The following KCNN1 variants were observed in gnomAD, a reference collection of about 807,000 sequenced individuals.
KCNN1 encodes the protein potassium calcium-activated channel subfamily N member 1.
KCNN1 carries 20 observed loss-of-function variants against 44.7 expected under a neutral mutation model. The observed-to-expected ratio is 0.45, with a 90% CI of 0.32 to 0.65. The LOEUF (loss-of-function observed/expected upper bound fraction) is 0.65. Among genes scored for constraint, KCNN1 ranks in the 30% least tolerant of loss-of-function variants. The probability of loss-of-function intolerance (pLI) is 0.05; values close to 1 mark genes in which losing one functional copy is unlikely to be tolerated. For missense variants in KCNN1, 632 were observed against 785.3 expected (o/e 0.80, Z 2.33); for synonymous variants, 324 against 341.7 (o/e 0.95, Z 0.57).
intron 2 of KCNN1, among the ~76,000 whole-genome samples, chr19:17,960,472 A>T (rs565516849): frequency 6.6e-6 from 1 of 152,036 alleles, no homozygotes; most frequent in South Asian, 2.1e-4. Flanking sequence ...TTTACTAAAG[A>T]TACAAAAATT....
At chr19:17,984,873 T>A (rs117058455) in intron 4 of KCNN1, among the ~76,000 whole-genome samples, 1 of 152,014 alleles carries the variant, frequency 6.6e-6, no homozygotes, top group Non-Finnish European at 1.5e-5. Context: ...CCTTCTTCAC[T>A]CGAGCCCCAG....
chr19:17,991,303 T>G (rs1490975546), intron 7 of KCNN1, among the ~76,000 whole-genome samples: 1 of 151,950 alleles, frequency 6.6e-6, no homozygotes, highest in Non-Finnish European at 1.5e-5. Context: ...ATAAAAAAAT[T>G]AGCCCAGTGT....
chr19:17,986,450 CTGAG>C (rs1219382421), intron 5 of KCNN1, among the ~76,000 whole-genome samples: 8 of 152,046 alleles, frequency 5.3e-5, no homozygotes, highest in African/African-American at 1.7e-4. Context: ...GGGGTGTTCC[CTGAG>C]TTTTTCGTGA....
At position 17,998,387 on chromosome 19, in the gene KCNN1, C is replaced by A. The variant is rs745569760; in HGVS notation, c.1613C>A (p.Ala538Asp). Residue 538 changes from alanine (A) to aspartate (D), a missense_variant, in exon 10 of 10, where the codon GCC becomes GAC. Physicochemically the swap from Ala to Asp is moderately radical, Grantham distance 126. Around this residue, in one of 3 missense-constraint regions of KCNN1, gnomAD observed 237 missense variants for 253.0 expected, o/e 0.94. Transcript: ENST00000684775. The surrounding 1 kb of genome is among the most constrained non-coding windows in gnomAD (Gnocchi z 5.4). ...RSSPCRWTPVAPSDCG is the reference protein window; with the variant it reads ...RSSPCRWTPVDPSDCG ...TCCCCCTGCCGGTGGACGCCCGTGG[C>A]CCCCTCGGACTGCGGGTGACGGCCC... 6.7e-7 allele frequency: 1 copy of A among 1,483,592 alleles called. No individual in the cohort carries two copies. The highest frequency in any genetic ancestry group is 8.9e-7 in the Non-Finnish European group (1 of 1,123,556). The allele number at this position is 1,483,592 out of a possible 1,614,324, so 91.9% of individuals were successfully genotyped here. A position where few individuals can be genotyped will look rare whatever the true frequency, so the allele number is the denominator to read the frequency against.
chr19:17,974,615 C>G lies in KCNN1; in HGVS notation c.402+325C>G, dbSNP rs1283761841. Among the ~76,000 whole-genome samples, 2 of 152,214 alleles carry G rather than the reference C, an allele frequency of 1.3e-5. No individual in the cohort carries two copies. The highest frequency in any genetic ancestry group is 4.8e-5 in the African/African-American group (2 of 41,454). On this transcript the variant is annotated intron_variant, in intron 2 of 9. Transcript: ENST00000684775. This position sits in a 1 kb window ranked among gnomAD's most constrained non-coding sequence, Gnocchi z 7.3. ...GGGAGCAACAGAAGATCTTCCTCCC[C>G]TTCCGAGAGTGAGTGCGTCCAGGTT... is the stretch of plus-strand genomic sequence containing the variant.
Position 17,973,952 on chromosome 19 carries a change from G to A in KCNN1, c.64G>A (p.Gly22Arg), listed in dbSNP as rs773354965. Reference sequence around the variant, plus strand: ...GCTGGGCAGCGGGCCGGGCGCCCTGGGACGAGACCCTCCGGACCCTGAGGC... The same window carrying A: ...GCTGGGCAGCGGGCCGGGCGCCCTGAGACGAGACCCTCCGGACCCTGAGGC... ...RPLGSGPGAL[G>R]RDPPDPEAGH... Residue 22 changes from glycine (G) to arginine (R), a missense_variant, in exon 2 of 10, where the codon GGA becomes AGA. Physicochemically the swap from Gly to Arg is moderately radical, Grantham distance 125. Transcript: ENST00000684775. 14 of 1,560,650 alleles carry A rather than the reference G, an allele frequency of 9.0e-6. No homozygotes were observed. Among genetic ancestry groups the A allele is most frequent in the Non-Finnish European group, 1.0e-5 (12 of 1,154,708 alleles).
chr19:17,980,638 C>T lies in KCNN1; in HGVS notation c.499-1071C>T, dbSNP rs79832511. The stretch of plus-strand genomic sequence containing the variant: ...AAAATTTGAAGCTGGTGCGGTTGCT[C>T]ACACCTGTGATTCCAGCACTCTGGG... On this transcript the variant is annotated intron_variant, in intron 3 of 9. Transcript: ENST00000684775. Among the ~76,000 whole-genome samples the T allele has an allele frequency of 9.8e-3, 1,498 of 152,198 alleles. 18 individuals are homozygous for T. The highest frequency in any genetic ancestry group is 0.025 in the South Asian group (119 of 4,818).
upstream of KCNN1, among the ~76,000 whole-genome samples, chr19:17,962,711 T>C (rs1467755139): frequency 2.0e-5 from 3 of 151,900 alleles, no homozygotes; most frequent in Non-Finnish European, 4.4e-5. Flanking sequence ...GATCTTGTTT[T>C]TTTTTTTTCT....
chr19:17,976,260 A>G (rs960866378), intron 3 of KCNN1, among the ~76,000 whole-genome samples: 1 of 151,930 alleles, frequency 6.6e-6, no homozygotes, highest in African/African-American at 2.4e-5. Context: ...TGGAGCTGAG[A>G]TCGAACCATT....
At chr19:17,996,532 G>A (rs1349167835) in intron 9 of KCNN1, among the ~76,000 whole-genome samples, 1 of 152,338 alleles carries the variant, frequency 6.6e-6, no homozygotes, top group African/African-American at 2.4e-5. Flanking sequence ...CTTGAACCCA[G>A]GAGGTGGAGG....
chr19:17,975,132 T>A lies in KCNN1; in HGVS notation c.443T>A (p.Leu148His). 1 of 1,613,476 alleles carries A rather than the reference T, an allele frequency of 6.2e-7. No homozygotes were observed. Residue 148 changes from leucine to histidine, a missense_variant, in exon 3 of 10, where the codon CTC becomes CAC. This residue lies in a region of KCNN1 where 235 missense variants were observed against 224.0 expected (regional missense o/e 1.05). Transcript: ENST00000684775. Reference protein sequence around the residue: ...YSFALKCLISLSTAILLGLVV... With the variant: ...YSFALKCLISHSTAILLGLVV... ...TTCGCACTCAAATGCCTCATCAGCC[T>A]CTCCACGGCCATCCTGCTGGGTCTC...
chr19:17,975,230 C>A, intron 3 of KCNN1, 43 bp downstream of exon 3: 1 of 1,410,542 alleles, frequency 7.1e-7, no homozygotes, highest in Non-Finnish European at 1.0e-6. Context: ...CTCCTCAAAC[C>A]CCAGATCCCC....
chr19:17,990,582 C>T (rs190270324), intron 7 of KCNN1, among the ~76,000 whole-genome samples: 56 of 151,312 alleles, frequency 3.7e-4, no homozygotes, highest in African/African-American at 1.3e-3. Context: ...GGGTGGATCA[C>T]GAGGTCAGGA....
Position 17,989,573 on chromosome 19 carries a change from C to T in KCNN1, c.1171-143C>T, listed in dbSNP as rs1016420742. ...CACACACTGCACAGATGTTGTTGTA[C>T]AAGCATGGCCCTGCCTTATAGCCCA... On this transcript the variant is annotated intron_variant, in intron 6 of 9. Coordinates refer to ENST00000684775, the MANE Select transcript of KCNN1 (RefSeq NM_001386974.1). 9 of 1,174,512 alleles carry T rather than the reference C, an allele frequency of 7.7e-6. No individual in the cohort carries two copies. The African/African-American group carries it at 1.2e-4, about 16-fold the overall frequency. The allele number at this position is 1,174,512 out of a possible 1,614,324, so 72.8% of individuals were successfully genotyped here.
At chr19:17,967,093 C>T (rs1180187105), upstream of KCNN1, 14 of 980,722 alleles carry the variant, frequency 1.4e-5, no homozygotes, top group African/African-American at 1.6e-4. Flanking sequence ...GCCCCCTTCT[C>T]TCCCGGCCCG....
chr19:17,976,693 C>T (rs1012058243), intron 3 of KCNN1, among the ~76,000 whole-genome samples: 1 of 151,570 alleles, frequency 6.6e-6, no homozygotes, highest in Non-Finnish European at 1.5e-5. Context: ...GCTGGGATTA[C>T]AGGTGTGAGC....
At chr19:17,980,980 G>A (rs893338694) in intron 3 of KCNN1, among the ~76,000 whole-genome samples, 1 of 152,162 alleles carries the variant, frequency 6.6e-6, no homozygotes, top group African/African-American at 2.4e-5. Context: ...ACTTTGGGAG[G>A]CCGAGGCATG....
In KCNN1 at chr19:17,970,289, ATTTTTTTTTTTTTTTTTT is replaced by A. The variant is rs71164333; in HGVS notation, c.-82+3000_-82+3017del. 6.3e-3 allele frequency among the ~76,000 whole-genome samples: 356 copies of A among 56,848 alleles called. 1 individual carries two copies. The highest frequency in any genetic ancestry group is 0.022 in the African/African-American group (291 of 13,502). The allele number at this position is 56,848 out of a possible 152,430, so 37.3% of individuals were successfully genotyped here. A position where few individuals can be genotyped will look rare whatever the true frequency, so the allele number is the denominator to read the frequency against. Reference sequence around the variant, plus strand: ...AGGTCACCTGACCATAGAAGGAATGATTTTTTTTTTTTTTTTTTTTTTTTTTTTTTTTTTTTTTTTTTT... The same window carrying A: ...AGGTCACCTGACCATAGAAGGAATGATTTTTTTTTTTTTTTTTTTTTTTTT... On this transcript the variant is annotated intron_variant, in intron 1 of 9. Transcript: ENST00000684775.
At chr19:17,959,446 C>T (rs914355004) in intron 2 of KCNN1, among the ~76,000 whole-genome samples, 3 of 151,966 alleles carry the variant, frequency 2.0e-5, no homozygotes, top group African/African-American at 4.8e-5. Flanking sequence ...TTAATAGAGA[C>T]GGGGTTTCAC....
Sources: gnomAD v4.1 joint callset for allele counts (sites outside exome capture counted in the v4.1 genomes callset) on GRCh38, gnomAD v4.1.1 for gene constraint, gnomAD v4.1.1 regional missense constraint, Gnocchi (gnomAD v3.1) non-coding constraint, MANE v1.5 for transcripts, NCBI Gene and HGNC (gene_info 2026-07-23, HGNC 2026-07-21) for gene names.